Variants in TRIO observed in about 807,000 individuals in gnomAD.
TRIO encodes the protein trio Rho guanine nucleotide exchange factor, also known as triple functional domain protein.
A neutral mutation model predicts 351.9 loss-of-function variants in TRIO; 58 were observed. The ratio of observed to expected loss-of-function variants is 0.16; its 90% CI spans 0.13 to 0.21. The LOEUF (loss-of-function observed/expected upper bound fraction) is 0.21, where lower values mean the gene tolerates loss of function less well. TRIO is among the 10% of genes least tolerant of loss of function. The pLI is 1.00. For synonymous variants in TRIO, 1,758 were observed against 1,595.7 expected, an observed-to-expected ratio of 1.10 and a Z score of -2.42; for missense variants, 3,201 against 4,027.8, an observed-to-expected ratio of 0.79 and a Z score of 5.56.
At chr5:14,289,575 C>T (rs918257373) in intron 4 of TRIO, among the ~76,000 whole-genome samples, 3 of 151,518 alleles carry the variant, frequency 2.0e-5, no homozygotes, top group Admixed American at 6.6e-5. Flanking sequence ...AGGTCGTGTG[C>T]GATGTCTCAT....
chr5:14,210,571 TCTC>T (rs1791824392), intron 1 of TRIO, among the ~76,000 whole-genome samples: 1 of 150,126 alleles, frequency 6.7e-6, no homozygotes, highest in African/African-American at 2.4e-5. Context: ...TTCTTCTAAA[TCTC>T]CTTTCAAACC....
At chr5:14,264,022 A>C (rs1461006602) in intron 1 of TRIO, among the ~76,000 whole-genome samples, 1 of 152,188 alleles carries the variant, frequency 6.6e-6, no homozygotes, top group Non-Finnish European at 1.5e-5. Flanking sequence ...TCCCTTTATA[A>C]TACTACTACT....
intron 1 of TRIO, among the ~76,000 whole-genome samples, chr5:14,254,534 A>G (rs1794921695): frequency 6.6e-6 from 1 of 152,112 alleles, no homozygotes; most frequent in African/African-American, 2.4e-5. Context: ...AGGCGCCTGG[A>G]AAGGAAGGAT....
intron 33 of TRIO, among the ~76,000 whole-genome samples, chr5:14,414,653 A>G (rs1749491650): frequency 6.6e-6 from 1 of 152,058 alleles, no homozygotes; most frequent in Admixed American, 6.5e-5. Flanking sequence ...CGTAAAGTTT[A>G]CCGTCTTCAC....
chr5:14,191,343 G>C (rs1006087553), intron 1 of TRIO, among the ~76,000 whole-genome samples: 8 of 152,104 alleles, frequency 5.3e-5, no homozygotes, highest in African/African-American at 1.4e-4. Flanking sequence ...TGTAATCCTA[G>C]TGCTTTGGGA....
intron 23 of TRIO, 36 bp downstream of exon 23, chr5:14,387,883 G>A (rs1465387080): frequency 6.3e-7 from 1 of 1,593,006 alleles, no homozygotes; most frequent in East Asian, 2.2e-5. Context: ...AGGATTCACT[G>A]GAAAAGTGAA....
chr5:14,232,687 C>T (rs1376950213), intron 1 of TRIO, among the ~76,000 whole-genome samples: 1 of 152,166 alleles, frequency 6.6e-6, no homozygotes, highest in Non-Finnish European at 1.5e-5. Context: ...AGGTGTGTAT[C>T]CTTTGAGCTA....
At chr5:14,334,231 G>A (rs1157294958) in intron 10 of TRIO, among the ~76,000 whole-genome samples, 1 of 152,176 alleles carries the variant, frequency 6.6e-6, no homozygotes, top group Non-Finnish European at 1.5e-5. Flanking sequence ...CTAGCACAAA[G>A]AAATCTCTGT....
intron 34 of TRIO, among the ~76,000 whole-genome samples, chr5:14,447,905 C>T (rs939366751): frequency 3.9e-5 from 6 of 152,134 alleles, no homozygotes; most frequent in African/African-American, 1.4e-4. Context: ...GTGTGAGCAC[C>T]GTGGGACTGC....
chr5:14,190,486 AAGAAATCTGAGTCAGTCTGAGGAGAGTGC>A (rs1350167774), intron 1 of TRIO, among the ~76,000 whole-genome samples: 55 of 152,180 alleles, frequency 3.6e-4, no homozygotes, highest in Admixed American at 1.7e-3. Flanking sequence ...TATTCCTGTA[AAGAAATCTGAGTCAGTCTGAGGAGAGTGC>A]AGAAATCTGA....
At chr5:14,320,536 C>T (rs909276539) in intron 9 of TRIO, among the ~76,000 whole-genome samples, 10 of 152,292 alleles carry the variant, frequency 6.6e-5, no homozygotes, top group African/African-American at 1.9e-4. Flanking sequence ...GCGCCACCCC[C>T]TTGCAAGTGT....
At chr5:14,205,861 T>G (rs2152182035) in intron 1 of TRIO, among the ~76,000 whole-genome samples, 1 of 151,956 alleles carries the variant, frequency 6.6e-6, no homozygotes, top group Middle Eastern at 3.4e-3. Flanking sequence ...GCCTCCCGAA[T>G]AGCTGGAATT....
chr5:14,410,579 C>G (rs955357829), intron 33 of TRIO, among the ~76,000 whole-genome samples: 2 of 152,170 alleles, frequency 1.3e-5, no homozygotes, highest in African/African-American at 2.4e-5. Flanking sequence ...AATCACTTAA[C>G]GACATTCTGC....
At position 14,262,220 on chromosome 5, in the gene TRIO, G is replaced by A. The variant is rs186147493; in HGVS notation, c.158-8605G>A. Among the ~76,000 whole-genome samples the A allele has an allele frequency of 1.4e-3, 211 of 152,210 alleles. 2 individuals carry two copies. The highest frequency in any genetic ancestry group is 4.7e-3 in the African/African-American group (195 of 41,526). On this transcript the variant is annotated intron_variant, in intron 1 of 56. Transcript: ENST00000344204. Reference sequence around the variant, plus strand: ...TCTTTTGATATTTCCCCTGCAGTGCGATAAGGATTTGGGGTGTTGTGGGAG... The same window carrying A: ...TCTTTTGATATTTCCCCTGCAGTGCAATAAGGATTTGGGGTGTTGTGGGAG...
intron 49 of TRIO, 144 bp downstream of exon 49, chr5:14,492,958 T>A: frequency 7.8e-7 from 1 of 1,288,720 alleles, no homozygotes. Flanking sequence ...TCTGAGCACG[T>A]GGGAAGATGG....
Position 14,308,984 on chromosome 5 carries a change from G to A in TRIO, c.1500+4392G>A, listed in dbSNP as rs996959995. Among the ~76,000 whole-genome samples the A allele has an allele frequency of 5.3e-5, 8 of 150,598 alleles. No homozygotes were observed. In the East Asian group the frequency reaches 5.9e-4, roughly 11 times the overall value. ...ACACCCAGTCACCCAACTGTCCATC[G>A]CCACCTCATCACCCAACCATCCATC... On this transcript the variant is annotated intron_variant, in intron 8 of 56. Coordinates refer to ENST00000344204, the MANE Select transcript of TRIO (RefSeq NM_007118.4).
At chr5:14,403,622 T>G (rs1053874271) in intron 31 of TRIO, among the ~76,000 whole-genome samples, 21 of 43,098 alleles carry the variant, frequency 4.9e-4, no homozygotes, top group Admixed American at 8.3e-4. Context: ...GGTGAGGGTG[T>G]AGGTTGTGGT....
chr5:14,220,422 C>G (rs1275378031), intron 1 of TRIO, among the ~76,000 whole-genome samples: 4 of 152,208 alleles, frequency 2.6e-5, no homozygotes, highest in East Asian at 1.9e-4. Context: ...ATAAATCCAA[C>G]TATGGCCTCT....
chr5:14,367,709 C>T lies in TRIO; in HGVS notation c.2874+730C>T, dbSNP rs144002476. On this transcript the variant is annotated intron_variant, in intron 16 of 56. Transcript: ENST00000344204. Reference sequence around the variant, plus strand: ...CATTTGATTACAGAAATGTTATCTCCTGCTCTGCTCACATACATGTTGTCA... The same window carrying T: ...CATTTGATTACAGAAATGTTATCTCTTGCTCTGCTCACATACATGTTGTCA... Among the ~76,000 whole-genome samples, 1,161 of 152,312 alleles carry T rather than the reference C, an allele frequency of 7.6e-3. 7 individuals carry two copies. Among genetic ancestry groups the T allele is most frequent in the Non-Finnish European group, 0.011 (722 of 68,022 alleles).
Sources: allele counts gnomAD v4.1 joint callset (sites outside exome capture counted in the v4.1 genomes callset), GRCh38; gene constraint gnomAD v4.1.1; transcripts MANE v1.5; gene names NCBI Gene and HGNC (gene_info 2026-07-23, HGNC 2026-07-21).